Variants in AOX1 observed in about 807,000 individuals in gnomAD.
AOX1 encodes aldehyde oxidase.
AOX1 carries 153 observed loss-of-function variants against 169.5 expected under a neutral mutation model. The observed-to-expected ratio is 0.90, with a 90% CI of 0.79 to 1.03. AOX1 has a LOEUF of 1.03. Among genes scored for constraint, AOX1 ranks in the 50% least tolerant of loss-of-function variants. AOX1 has a pLI of 0.00. For missense variants in AOX1, 1,656 were observed against 1,663.9 expected, an observed-to-expected ratio of 1.00 and a Z score of 0.08; for synonymous variants, 562 against 581.9, an observed-to-expected ratio of 0.97 and a Z score of 0.49.
intron 10 of AOX1, 60 bp downstream of exon 10, chr2:200,605,688 C>T: frequency 1.3e-6 from 1 of 750,514 alleles, no homozygotes; most frequent in Non-Finnish European, 2.1e-6. Flanking sequence ...ATTTACCTTG[C>T]CCAGCAGACA....
At chr2:200,627,595 G>A (rs2035033664) in intron 20 of AOX1, 146 bp downstream of exon 20, 2 of 620,726 alleles carry the variant, frequency 3.2e-6, no homozygotes, top group Non-Finnish European at 5.7e-6. Flanking sequence ...ATTCACAAAT[G>A]TGTTTCCCTC....
chr2:200,639,219 A>G (rs1268886803), intron 23 of AOX1, among the ~76,000 whole-genome samples: 2 of 152,218 alleles, frequency 1.3e-5, no homozygotes, highest in Non-Finnish European at 2.9e-5. Context: ...TCACTGCCCT[A>G]CAAACTCTGA....
At chr2:200,646,898 G>A (rs966199677) in intron 25 of AOX1, among the ~76,000 whole-genome samples, 1 of 152,004 alleles carries the variant, frequency 6.6e-6, no homozygotes, top group Non-Finnish European at 1.5e-5. Flanking sequence ...GCTCGCTTTT[G>A]GTGTCCATGT....
chr2:200,673,551 T>C (rs1430177740), downstream of AOX1, among the ~76,000 whole-genome samples: 1 of 152,202 alleles, frequency 6.6e-6, no homozygotes, highest in Non-Finnish European at 1.5e-5. Context: ...CTCCCCTGAC[T>C]ATTGCAATAA....
intron 19 of AOX1, among the ~76,000 whole-genome samples, chr2:200,625,929 A>T (rs1471628045): frequency 6.6e-6 from 1 of 152,188 alleles, no homozygotes; most frequent in East Asian, 1.9e-4. Flanking sequence ...AGTAGATTGA[A>T]TGGGGCAACG....
chr2:200,617,805 A>G (rs1015151321), intron 16 of AOX1, among the ~76,000 whole-genome samples: 1 of 152,138 alleles, frequency 6.6e-6, no homozygotes, highest in Non-Finnish European at 1.5e-5. Context: ...AATGTGGTTC[A>G]GGTTGAGAGC....
chr2:200,637,913 G>A (rs570712608), intron 22 of AOX1, among the ~76,000 whole-genome samples: 2 of 152,216 alleles, frequency 1.3e-5, no homozygotes, highest in Admixed American at 6.5e-5. Context: ...ACCTTGGGAC[G>A]ATTTGCCTAT....
intron 1 of AOX1, among the ~76,000 whole-genome samples, chr2:200,592,431 A>G (rs1028436975): frequency 6.6e-6 from 1 of 152,234 alleles, no homozygotes. Flanking sequence ...CTATGAATCC[A>G]AAAGAAATGT....
At chr2:200,620,199 CT>C (rs34887452) in intron 16 of AOX1, among the ~76,000 whole-genome samples, 31,712 of 129,538 alleles carry the variant, frequency 0.24, 3,407 homozygotes, top group East Asian at 0.36. Context: ...TTAATAGTGA[CT>C]TTTTTTTTTT....
chr2:200,620,924 T>C, intron 17 of AOX1, 105 bp downstream of exon 17: 2 of 1,375,208 alleles, frequency 1.5e-6, no homozygotes, highest in East Asian at 4.7e-5. Context: ...TTGTTGGTGA[T>C]ATCCAATGCA....
At position 200,668,762 on chromosome 2, in the gene AOX1, T is replaced by C; in HGVS notation, c.3757T>C (p.Leu1253=). Residue 1253 remains leucine, a synonymous_variant, in exon 33 of 35, where the codon TTG becomes CTG. Coordinates refer to ENST00000374700, the MANE Select transcript of AOX1 (RefSeq NM_001159.4). The part of the protein sequence containing the change: ...DMPTELHIAL[L]PPSQNSNTLY... ...GCCCACGGAGTTGCACATTGCTTTG[T>C]TGCCTCCTTCTCAAAACTCAAATAC... The C allele has an allele frequency of 6.2e-7, 1 of 1,614,174 alleles. No individual in the cohort carries two copies.
chr2:200,600,834 T>C (rs17448457), intron 5 of AOX1, among the ~76,000 whole-genome samples: 2 of 151,932 alleles, frequency 1.3e-5, no homozygotes, highest in African/African-American at 4.8e-5. Flanking sequence ...ACATGGGAAT[T>C]TGTGGGTAAT....
At chr2:200,622,610 C>A (rs997419040) in intron 18 of AOX1, among the ~76,000 whole-genome samples, 1 of 152,142 alleles carries the variant, frequency 6.6e-6, no homozygotes, top group East Asian at 1.9e-4. Flanking sequence ...AGAATTTAAG[C>A]CCTTTGCATA....
At chr2:200,647,404 G>A (rs1467375011) in intron 25 of AOX1, among the ~76,000 whole-genome samples, 5 of 152,192 alleles carry the variant, frequency 3.3e-5, no homozygotes, top group African/African-American at 1.2e-4. Flanking sequence ...TGAGGAGCCT[G>A]AAGATAGGGA....
intron 5 of AOX1, 54 bp downstream of exon 5, chr2:200,599,800 T>A (rs1157316488): frequency 7.7e-7 from 1 of 1,306,646 alleles, no homozygotes; most frequent in Non-Finnish European, 9.8e-7. Flanking sequence ...TTATTTATTT[T>A]TTGAGACGGA....
At position 200,649,193 on chromosome 2, in the gene AOX1, G is replaced by T. The variant is rs367593332; in HGVS notation, c.2848-1781G>T. On this transcript the variant is annotated intron_variant, in intron 25 of 34. Coordinates refer to ENST00000374700, the MANE Select transcript of AOX1 (RefSeq NM_001159.4). ...TCACCCCCTACTTCTCTGGTCCCCC[G>T]CCCCCTCCGCCCCCACCATGGATCC... Among the ~76,000 whole-genome samples the T allele has an allele frequency of 2.4e-5, 3 of 123,444 alleles. No individual in the cohort carries two copies. In the South Asian group the frequency reaches 8.4e-4, roughly 34 times the overall value. 81.0% of individuals were successfully genotyped at this position (123,444 alleles called of 152,430 possible). A position where few individuals can be genotyped will look rare whatever the true frequency, so the allele number is the denominator to read the frequency against.
rs753761003 is a variant in AOX1 at position 200,669,759 on chromosome 2, G to C, written c.3966+17G>C. 1.2e-6 allele frequency: 2 copies of C among 1,600,162 alleles called. No homozygotes were observed. Among genetic ancestry groups the C allele is most frequent in the East Asian group, 4.5e-5 (2 of 44,732 alleles). On this transcript the variant is annotated intron_variant, in intron 34 of 34. Coordinates refer to ENST00000374700, the MANE Select transcript of AOX1 (RefSeq NM_001159.4). ...ACAAAAATGGTACGTTTGCATGGTA[G>C]AAAAAAAATAGTGATCATAAAATTC... is the stretch of plus-strand genomic sequence containing the variant.
chr2:200,604,871 G>A (rs1434743530), intron 9 of AOX1, 31 bp downstream of exon 9: 3 of 1,071,790 alleles, frequency 2.8e-6, no homozygotes, highest in Non-Finnish European at 2.7e-6. Context: ...TTTTTATAGG[G>A]AAATTGAGAA....
intron 5 of AOX1, among the ~76,000 whole-genome samples, chr2:200,601,073 C>CTTTTTTTTTTT (rs58855977): frequency 2.5e-5 from 3 of 120,482 alleles, no homozygotes; most frequent in Non-Finnish European, 5.0e-5. Flanking sequence ...GCTTAGAGTG[C>CTTTTTTTTTTT]TTTTTTTTTT....
Sources: gnomAD v4.1 joint callset for allele counts (sites outside exome capture counted in the v4.1 genomes callset) on GRCh38, gnomAD v4.1.1 for gene constraint, MANE v1.5 for transcripts, NCBI Gene and HGNC (gene_info 2026-07-23, HGNC 2026-07-21) for gene names.